The following HTR2C variants were observed in gnomAD, a reference collection of about 807,000 sequenced individuals.
HTR2C encodes 5-hydroxytryptamine (serotonin) receptor 2C, G protein-coupled.
HTR2C carries 5 observed loss-of-function variants against 21.0 expected under a neutral mutation model. The ratio of observed to expected loss-of-function variants is 0.24; its 90% CI spans 0.12 to 0.50. HTR2C has a LOEUF of 0.50. Among genes scored for constraint, HTR2C ranks in the 20% least tolerant of loss-of-function variants. HTR2C has a pLI of 0.98. For synonymous variants in HTR2C, 150 were observed against 145.3 expected (o/e 1.03, Z -0.23); for missense variants, 271 against 371.2 (o/e 0.73, Z 2.22).
At chrX:114,792,646 G>T (rs2070245759) in intron 4 of HTR2C, among the ~76,000 whole-genome samples, 1 of 111,617 alleles carries the variant, frequency 9.0e-6, no homozygotes, top group Non-Finnish European at 1.9e-5. Flanking sequence ...TAGTGGAATT[G>T]CTGGGTCAAA....
intron 1 of HTR2C, among the ~76,000 whole-genome samples, chrX:114,600,708 C>A (rs1326208172): frequency 1.2e-4 from 13 of 111,192 alleles, no homozygotes; most frequent in African/African-American, 3.9e-4. Context: ...TTACTACTGT[C>A]TTTATACTTT....
chrX:114,903,401 G>A (rs1217963303), intron 5 of HTR2C, among the ~76,000 whole-genome samples: 1 of 112,314 alleles, frequency 8.9e-6, no homozygotes, highest in Non-Finnish European at 1.9e-5. Flanking sequence ...TTCTACATCT[G>A]TAATGTCAGT....
At chrX:114,626,364 G>A (rs1167969163) in intron 2 of HTR2C, among the ~76,000 whole-genome samples, 2 of 101,529 alleles carry the variant, frequency 2.0e-5, no homozygotes, top group African/African-American at 3.6e-5. Context: ...ACTCTAGCCT[G>A]GGCAACAGAA....
intron 2 of HTR2C, among the ~76,000 whole-genome samples, chrX:114,715,595 A>G (rs1283451275): frequency 1.8e-5 from 2 of 112,005 alleles, no homozygotes; most frequent in African/African-American, 6.5e-5. Flanking sequence ...CCCATCAGTG[A>G]CACTTGTCGT....
chrX:114,640,635 A>C (rs924910670), intron 2 of HTR2C, among the ~76,000 whole-genome samples: 1 of 112,257 alleles, frequency 8.9e-6, no homozygotes, highest in African/African-American at 3.2e-5. Context: ...GCATATTTTT[A>C]AAATTATTGA....
intron 4 of HTR2C, among the ~76,000 whole-genome samples, chrX:114,747,415 C>A (rs1400490369): frequency 1.8e-5 from 2 of 111,891 alleles, no homozygotes; most frequent in Non-Finnish European, 3.8e-5. Context: ...TAATGAAATG[C>A]ACACTGGAAA....
At chrX:114,663,158 T>C (rs1056142133) in intron 2 of HTR2C, among the ~76,000 whole-genome samples, 7 of 111,005 alleles carry the variant, frequency 6.3e-5, no homozygotes, top group African/African-American at 2.3e-4. Flanking sequence ...TTACCTCTTT[T>C]TTTTTGTTTG....
chrX:114,716,999 A>G (rs1011286962), intron 2 of HTR2C, among the ~76,000 whole-genome samples: 2 of 111,761 alleles, frequency 1.8e-5, no homozygotes. Flanking sequence ...TCAAACTTCT[A>G]TATGTATTAT....
chrX:114,803,361 G>A lies in HTR2C; in HGVS notation c.350-44642G>A, dbSNP rs1334772871. On this transcript the variant is annotated intron_variant, in intron 4 of 5. Coordinates refer to ENST00000276198, the MANE Select transcript of HTR2C (RefSeq NM_000868.4). Reference sequence around the variant, plus strand: ...ACAGTTCCACCAACAGTGTAAAAGCGTTCCTATTTCTCCACATCCTCTCCA... The same window carrying A: ...ACAGTTCCACCAACAGTGTAAAAGCATTCCTATTTCTCCACATCCTCTCCA... 2.3e-3 allele frequency among the ~76,000 whole-genome samples: 180 copies of A among 77,035 alleles called. 3 individuals carry two copies. The highest frequency in any genetic ancestry group is 7.1e-3 in the African/African-American group (166 of 23,239). 66.9% of individuals were successfully genotyped at this position (77,035 alleles called of 115,157 possible).
In HTR2C at chrX:114,696,535, A is replaced by G. The variant is rs782403635; in HGVS notation, c.-79-30323A>G. 4.6e-4 allele frequency among the ~76,000 whole-genome samples: 51 copies of G among 111,937 alleles called. 1 individual carries two copies. Among genetic ancestry groups the G allele is most frequent in the African/African-American group, 1.7e-3 (51 of 30,900 alleles). ...AAATAAGATTAGAAACTCTAGAAAC[A>G]ATGTTTTTCTTCAGTCAAAAAACTC... is the stretch of plus-strand genomic sequence containing the variant. On this transcript the variant is annotated intron_variant, in intron 2 of 5. Transcript: ENST00000276198.
chrX:114,743,811 A>G (rs2069675379), intron 4 of HTR2C, among the ~76,000 whole-genome samples: 2 of 112,410 alleles, frequency 1.8e-5, no homozygotes, highest in South Asian at 7.3e-4. Context: ...CCATGCCCAG[A>G]CACATTATAA....
chrX:114,665,839 CTT>C (rs782278168), intron 2 of HTR2C, among the ~76,000 whole-genome samples: 1 of 110,615 alleles, frequency 9.0e-6, no homozygotes, highest in Non-Finnish European at 1.9e-5. Context: ...CTTGGTGTAA[CTT>C]TTTCTGAAAC....
At chrX:114,876,530 A>C (rs1373183061) in intron 5 of HTR2C, among the ~76,000 whole-genome samples, 1 of 103,971 alleles carries the variant, frequency 9.6e-6, no homozygotes, top group African/African-American at 3.5e-5. Flanking sequence ...CTTAGAGGAA[A>C]AATTTCACAT....
intron 2 of HTR2C, among the ~76,000 whole-genome samples, chrX:114,633,951 G>T (rs1049246409): frequency 0.1 from 9,453 of 92,569 alleles, 483 homozygotes; most frequent in Middle Eastern, 0.19. Context: ...TATATATAGA[G>T]AGAGAGAGAG....
intron 4 of HTR2C, among the ~76,000 whole-genome samples, chrX:114,807,401 T>TATATATACGCCATATCTATACC (rs2070482852): frequency 2.1e-4 from 2 of 9,692 alleles, no homozygotes; most frequent in East Asian, 0.12. Context: ...ATCTATACCA[T>TATATATACGCCATATCTATACC]ATATATACGC....
At position 114,842,216 on chromosome X, in the gene HTR2C, C is replaced by G. The variant is rs782197483; in HGVS notation, c.350-5787C>G. On this transcript the variant is annotated intron_variant, in intron 4 of 5. Transcript: ENST00000276198. Reference sequence around the variant, plus strand: ...CCATATCCCATTTCCAGATATGCAGCTAATTTGAGGATGAAAGCCTGCACT... The same window carrying G: ...CCATATCCCATTTCCAGATATGCAGGTAATTTGAGGATGAAAGCCTGCACT... 9.8e-5 allele frequency among the ~76,000 whole-genome samples: 11 copies of G among 112,568 alleles called. No individual in the cohort carries two copies. In the South Asian group the frequency reaches 4.0e-3, roughly 41 times the overall value.
At chrX:114,742,010 A>G (rs1249133003) in intron 4 of HTR2C, among the ~76,000 whole-genome samples, 2 of 111,381 alleles carry the variant, frequency 1.8e-5, no homozygotes, top group African/African-American at 6.5e-5. Flanking sequence ...GTAACTGACA[A>G]AAGGAGTCTC....
At chrX:114,869,264 C>T (rs1258485068) in intron 5 of HTR2C, among the ~76,000 whole-genome samples, 1 of 111,170 alleles carries the variant, frequency 9.0e-6, no homozygotes, top group East Asian at 2.8e-4. Context: ...GGGTTGGTTC[C>T]AAGTCTTTGC....
At chrX:114,779,824 A>G (rs1556440109) in intron 4 of HTR2C, among the ~76,000 whole-genome samples, 3 of 111,760 alleles carry the variant, frequency 2.7e-5, no homozygotes, top group Non-Finnish European at 5.6e-5. Flanking sequence ...TTATGAATGA[A>G]TTCTGCTCTA....
Sources: gnomAD v4.1 joint callset for allele counts (sites outside exome capture counted in the v4.1 genomes callset) on GRCh38, gnomAD v4.1.1 for gene constraint, MANE v1.5 for transcripts, NCBI Gene and HGNC (gene_info 2026-07-23, HGNC 2026-07-21) for gene names.